BTBD9: variants seen among roughly 807,000 people sequenced by gnomAD.
The protein encoded by BTBD9 is BTB/POZ domain-containing protein 9.
BTBD9 carries 49 observed loss-of-function variants against 64.3 expected under a neutral mutation model. That is an observed-to-expected ratio of 0.76 (90% CI 0.61 to 0.97). The LOEUF (loss-of-function observed/expected upper bound fraction) is 0.97, where lower values mean the gene tolerates loss of function less well. BTBD9 is among the 50% of genes least tolerant of loss of function. The pLI is 0.00. For missense variants in BTBD9, 598 were observed against 762.1 expected (o/e 0.78, Z 2.53); for synonymous variants, 260 against 274.7 (o/e 0.95, Z 0.53).
At chr6:38,472,886 G>A (rs940487873) in intron 6 of BTBD9, among the ~76,000 whole-genome samples, 2 of 152,094 alleles carry the variant, frequency 1.3e-5, no homozygotes, top group Admixed American at 6.5e-5. Flanking sequence ...CAATTTAAAT[G>A]TATCTTTGCT....
At chr6:38,503,117 C>G (rs951260280) in intron 6 of BTBD9, among the ~76,000 whole-genome samples, 1 of 152,090 alleles carries the variant, frequency 6.6e-6, no homozygotes. Flanking sequence ...CTCACTATCT[C>G]CTCATGCTCT....
At chr6:38,266,560 CA>C (rs1386710146) in intron 8 of BTBD9, among the ~76,000 whole-genome samples, 2 of 139,828 alleles carry the variant, frequency 1.4e-5, no homozygotes, top group East Asian at 4.3e-4. Flanking sequence ...GCGACAAGAG[CA>C]AAACTCAGTC....
Position 38,417,801 on chromosome 6 carries a change from A to AGAGAGAGAGAGAGAGAGAGAGAGAGAG in BTBD9, c.1155-72709_1155-72708insCTCTCTCTCTCTCTCTCTCTCTCTCTC, listed in dbSNP as rs56268245. Reference sequence around the variant, plus strand: ...GAGAGAGAGAGAGAGAGAGAGAGAGAAAAAAAATATTGACACATAACTGGT... The same window carrying AGAGAGAGAGAGAGAGAGAGAGAGAGAG: ...GAGAGAGAGAGAGAGAGAGAGAGAGAGAGAGAGAGAGAGAGAGAGAGAGAGAGAAAAAAATATTGACACATAACTGGT... On this transcript the variant is annotated intron_variant, in intron 6 of 10. Transcript: ENST00000481247. Among the ~76,000 whole-genome samples, 313 of 136,954 alleles carry AGAGAGAGAGAGAGAGAGAGAGAGAGAG rather than the reference A, an allele frequency of 2.3e-3. 7 individuals are homozygous for AGAGAGAGAGAGAGAGAGAGAGAGAGAG. Among genetic ancestry groups the AGAGAGAGAGAGAGAGAGAGAGAGAGAG allele is most frequent in the African/African-American group, 6.0e-3 (196 of 32,806 alleles). The allele number at this position is 136,954 out of a possible 152,430, so 89.8% of individuals were successfully genotyped here. A position where few individuals can be genotyped will look rare whatever the true frequency, so the allele number is the denominator to read the frequency against.
At chr6:38,351,408 C>A (rs1204605680) in intron 6 of BTBD9, among the ~76,000 whole-genome samples, 1 of 150,678 alleles carries the variant, frequency 6.6e-6, no homozygotes, top group Non-Finnish European at 1.5e-5. Flanking sequence ...AAAACTCATA[C>A]TATATAGAAT....
chr6:38,234,481 T>C (rs1481358931), intron 9 of BTBD9, among the ~76,000 whole-genome samples: 1 of 152,234 alleles, frequency 6.6e-6, no homozygotes, highest in East Asian at 1.9e-4. Flanking sequence ...ATTTTATATA[T>C]ACAGCATTCA....
At chr6:38,223,394 G>A (rs1000440112) in intron 9 of BTBD9, among the ~76,000 whole-genome samples, 3 of 152,256 alleles carry the variant, frequency 2.0e-5, no homozygotes, top group South Asian at 2.1e-4. Context: ...GAGTACAGCA[G>A]AGCAATCATA....
intron 6 of BTBD9, among the ~76,000 whole-genome samples, chr6:38,390,387 T>C (rs1452228659): frequency 6.6e-6 from 1 of 152,138 alleles, no homozygotes; most frequent in Non-Finnish European, 1.5e-5. Flanking sequence ...ACCTAGCCCA[T>C]GTGTAAATTT....
intron 6 of BTBD9, among the ~76,000 whole-genome samples, chr6:38,454,949 G>A (rs2127342830): frequency 6.6e-6 from 1 of 152,184 alleles, no homozygotes; most frequent in South Asian, 2.1e-4. Context: ...GACTGTGCAA[G>A]AGGAACCAAC....
At chr6:38,203,163 CA>C (rs1762522451) in intron 9 of BTBD9, among the ~76,000 whole-genome samples, 1 of 151,828 alleles carries the variant, frequency 6.6e-6, no homozygotes, top group Non-Finnish European at 1.5e-5. Context: ...ATTAAAAAGA[CA>C]AAAATAATAG....
At chr6:38,572,386 A>G (rs1340651989) in intron 6 of BTBD9, among the ~76,000 whole-genome samples, 1 of 152,120 alleles carries the variant, frequency 6.6e-6, no homozygotes, top group Non-Finnish European at 1.5e-5. Flanking sequence ...TGAAAGTAGA[A>G]CCATTCTAGT....
At chr6:38,334,575 AATAAC>A (rs372624753) in intron 7 of BTBD9, among the ~76,000 whole-genome samples, 80,966 of 142,196 alleles carry the variant, frequency 0.57, 24,414 homozygotes, top group Non-Finnish European at 0.66. Flanking sequence ...TCTCAAAAAT[AATAAC>A]ATAACATAAC....
chr6:38,546,198 T>C (rs1039682500), intron 6 of BTBD9, among the ~76,000 whole-genome samples: 1 of 152,222 alleles, frequency 6.6e-6, no homozygotes, highest in African/African-American at 2.4e-5. Flanking sequence ...TAGACTTTCT[T>C]GTTCTTCCTG....
At chr6:38,266,312 C>G (rs1219489739) in intron 8 of BTBD9, among the ~76,000 whole-genome samples, 2 of 152,148 alleles carry the variant, frequency 1.3e-5, no homozygotes, top group Non-Finnish European at 2.9e-5. Flanking sequence ...GTGGCTCACA[C>G]CTGTAATCCC....
At chr6:38,630,183 A>G (rs1330845834) in intron 1 of BTBD9, among the ~76,000 whole-genome samples, 1 of 150,880 alleles carries the variant, frequency 6.6e-6, no homozygotes, top group African/African-American at 2.4e-5. Flanking sequence ...CTGGGCAACA[A>G]GAGTGAAATT....
intron 1 of BTBD9, among the ~76,000 whole-genome samples, chr6:38,625,987 AG>A (rs1376174926): frequency 2.0e-5 from 3 of 152,314 alleles, no homozygotes; most frequent in African/African-American, 7.2e-5. Flanking sequence ...AGTCACCTGA[AG>A]GCTACAGAGG....
intron 6 of BTBD9, among the ~76,000 whole-genome samples, chr6:38,562,312 T>C (rs1775296325): frequency 2.0e-5 from 3 of 152,228 alleles, no homozygotes; most frequent in Admixed American, 2.0e-4. Flanking sequence ...TATTTAAACA[T>C]GCTTTAGCAC....
chr6:38,214,579 A>G (rs1413065372), intron 9 of BTBD9, among the ~76,000 whole-genome samples: 1 of 152,222 alleles, frequency 6.6e-6, no homozygotes, highest in Non-Finnish European at 1.5e-5. Context: ...GTTGGCCAGA[A>G]GAGCGAAAAC....
At chr6:38,429,310 C>T (rs1282986366) in intron 6 of BTBD9, among the ~76,000 whole-genome samples, 2 of 151,274 alleles carry the variant, frequency 1.3e-5, no homozygotes, top group Non-Finnish European at 2.9e-5. Context: ...CAAAAATTAG[C>T]TAGGCGTGGT....
At position 38,549,943 on chromosome 6, in the gene BTBD9, T is replaced by C. The variant is rs892379497; in HGVS notation, c.1154+27657A>G. Among the ~76,000 whole-genome samples, 20 of 152,070 alleles carry C rather than the reference T, an allele frequency of 1.3e-4. 1 individual carries two copies. The highest frequency in any genetic ancestry group is 1.3e-3 in the Admixed American group (20 of 15,256). On this transcript the variant is annotated intron_variant, in intron 6 of 10. Coordinates refer to ENST00000481247, the MANE Select transcript of BTBD9 (RefSeq NM_001099272.2). ...ATCACTCCATCCTCTGTGAAAACAC[T>C]TCCCTGCTTGGCTTTCAAGAAACTA...
Sources: allele counts gnomAD v4.1 joint callset (sites outside exome capture counted in the v4.1 genomes callset), GRCh38; gene constraint gnomAD v4.1.1; transcripts MANE v1.5; gene names NCBI Gene and HGNC (gene_info 2026-07-23, HGNC 2026-07-21).